IL9R: variants seen among roughly 807,000 people sequenced by gnomAD.
IL9R encodes the protein interleukin 9 receptor, also known as interleukin-9 receptor.
Under a neutral mutation model 56.3 loss-of-function variants are expected in IL9R, and 54 were observed. The ratio of observed to expected loss-of-function variants is 0.96; its 90% CI spans 0.77 to 1.20. The LOEUF is 1.20. IL9R is among the 50% of genes most tolerant of loss of function. The probability of loss-of-function intolerance (pLI) is 0.00; values close to 1 mark genes in which losing one functional copy is unlikely to be tolerated. For synonymous variants in IL9R, 212 were observed against 250.2 expected, an observed-to-expected ratio of 0.85 and a Z score of 1.44; for missense variants, 545 against 629.8, an observed-to-expected ratio of 0.87 and a Z score of 1.44.
At chrX:156,000,145 A>ATATATATAT (rs1556394100) in intron 1 of IL9R, among the ~76,000 whole-genome samples, 15 of 144,272 alleles carry the variant, frequency 1.0e-4, no homozygotes, top group African/African-American at 3.7e-4. Context: ...AAAAAAAAAA[A>ATATATATAT]ATATATATAT....
At chrX:156,001,489 A>C (rs1183430781) in intron 1 of IL9R, 2 of 1,608,906 alleles carry the variant, frequency 1.2e-6, no homozygotes, top group Non-Finnish European at 1.7e-6. Flanking sequence ...TCCAGGCTGC[A>C]CGCTCCATTC....
intron 1 of IL9R, chrX:156,001,314 G>A (rs181578892): frequency 4.6e-6 from 4 of 878,294 alleles, no homozygotes; most frequent in Non-Finnish European, 7.8e-6. Context: ...TGGCCGTTGT[G>A]CCTGTGCTTC....
intron 1 of IL9R, among the ~76,000 whole-genome samples, chrX:156,002,536 C>A (rs1458065343): frequency 6.6e-6 from 1 of 152,218 alleles, no homozygotes; most frequent in Non-Finnish European, 1.5e-5. Context: ...CCTGACTCCC[C>A]TGCAGGATGG....
chrX:156,006,641 A>G (rs1470217617), intron 7 of IL9R, among the ~76,000 whole-genome samples: 1 of 151,874 alleles, frequency 6.6e-6, no homozygotes, highest in African/African-American at 2.4e-5. Flanking sequence ...GCCCTCCTTA[A>G]ATAAACCGTC....
chrX:156,010,066 T>C lies in IL9R; in HGVS notation c.1223T>C (p.Leu408Pro), dbSNP rs772179110. ...TEWRVQTLAY[L>P]PQEDWAPTSL... ...TGGAGGGTACAGACGCTTGCCTATC[T>C]GCCACAGGAGGACTGGGCCCCCACG... Residue 408 changes from leucine (L) to proline (P), a missense_variant, in exon 9 of 9, where the codon CTG becomes CCG. By Grantham distance (98) the Leu-to-Pro change is moderately conservative. Transcript: ENST00000244174. 4.0e-5 allele frequency: 62 copies of C among 1,558,418 alleles called. No homozygotes were observed. The highest frequency in any genetic ancestry group is 5.0e-5 in the Non-Finnish European group (58 of 1,158,198).
chrX:156,001,434 T>C (rs1385304692), intron 1 of IL9R: 2 of 1,610,958 alleles, frequency 1.2e-6, no homozygotes, highest in Non-Finnish European at 1.7e-6. Flanking sequence ...GGACAGACAC[T>C]GCTGCAGAGA....
chrX:156,000,143 A>ATATATATAT (rs1220909165), intron 1 of IL9R, among the ~76,000 whole-genome samples: 19 of 129,832 alleles, frequency 1.5e-4, no homozygotes, highest in African/African-American at 6.2e-4. Context: ...CTAAAAAAAA[A>ATATATATAT]AAATATATAT....
Position 156,003,782 on chromosome X carries a change from C to T in IL9R, c.360C>T (p.Ile120=). ...AVLVPSDNFT[I]TFHHCMSGRE... ...TCGTGCCATCTGACAATTTCACCAT[C>T]ACTTTCCACCACTGCATGTCTGGGA... Residue 120 remains isoleucine (I), a synonymous_variant, in exon 4 of 9, where the codon ATC becomes ATT. Coordinates refer to ENST00000244174, the MANE Select transcript of IL9R (RefSeq NM_002186.3). The T allele has an allele frequency of 6.2e-7, 1 of 1,614,026 alleles. No homozygotes were observed. The highest frequency in any genetic ancestry group is 1.7e-5 in the Admixed American group (1 of 60,022).
At chrX:156,005,573 G>A in intron 6 of IL9R, 94 bp downstream of exon 6, 2 of 1,058,422 alleles carry the variant, frequency 1.9e-6, no homozygotes, top group South Asian at 1.3e-5. Context: ...TCACCCTCCT[G>A]TAAGCCCCTC....
At chrX:156,008,956 TGTGTTTATG>T (rs1298021583) in intron 8 of IL9R, among the ~76,000 whole-genome samples, 8 of 151,812 alleles carry the variant, frequency 5.3e-5, no homozygotes, top group African/African-American at 1.9e-4. Context: ...TCTGTGTGTG[TGTGTTTATG>T]TGTGTGTGTC....
At chrX:156,006,230 G>A (rs754754423) in intron 7 of IL9R, 42 bp downstream of exon 7, 5 of 753,640 alleles carry the variant, frequency 6.6e-6, no homozygotes, top group African/African-American at 3.4e-5. Flanking sequence ...GTGTGAGCGG[G>A]CAAGAGTGTG....
intron 1 of IL9R, among the ~76,000 whole-genome samples, chrX:156,001,719 C>A (rs1266132560): frequency 6.6e-6 from 1 of 152,122 alleles, no homozygotes; most frequent in Non-Finnish European, 1.5e-5. Flanking sequence ...CTGCTTCCTG[C>A]CTAGGGGCTA....
Position 156,010,433 on chromosome X carries a change from A to C in IL9R, c.*24A>C. The C allele has an allele frequency of 2.2e-6, 1 of 452,220 alleles. No individual in the cohort carries two copies. The highest frequency in any genetic ancestry group is 4.1e-5 in the East Asian group (1 of 24,446). The allele number at this position is 452,220 out of a possible 1,614,324, so 28.0% of individuals were successfully genotyped here. A position where few individuals can be genotyped will look rare whatever the true frequency, so the allele number is the denominator to read the frequency against. On this transcript the variant is annotated 3_prime_UTR_variant, in exon 9 of 9. Transcript: ENST00000244174. ...AGGTCCCTGACTCGCCAGATGCATC[A>C]TGTCCATTTTGGGAAAATGGACTGA...
chrX:155,998,736 A>G (rs2067307423), intron 1 of IL9R, among the ~76,000 whole-genome samples: 2 of 151,890 alleles, frequency 1.3e-5, no homozygotes, highest in African/African-American at 2.4e-5. Flanking sequence ...GTTGGAAAAC[A>G]TTTATCAAAC....
chrX:156,001,560 G>A (rs2067525367), intron 1 of IL9R: 8 of 1,264,286 alleles, frequency 6.3e-6, no homozygotes, highest in South Asian at 1.2e-5. Flanking sequence ...ATGGGTACCT[G>A]TATACGCTGC....
chrX:155,999,002 G>T (rs2067326745), intron 1 of IL9R, among the ~76,000 whole-genome samples: 1 of 152,004 alleles, frequency 6.6e-6, no homozygotes, highest in South Asian at 2.1e-4. Context: ...CCTGGCCCAT[G>T]GCCACTGCTC....
intron 1 of IL9R, among the ~76,000 whole-genome samples, chrX:156,001,878 C>T (rs3093488): frequency 0.014 from 2,183 of 152,262 alleles, 52 homozygotes; most frequent in African/African-American, 0.049. Context: ...CTCCAGCATC[C>T]GGGGGCTTTG....
intron 1 of IL9R, among the ~76,000 whole-genome samples, chrX:155,999,406 G>A (rs1390041386): frequency 2.6e-5 from 4 of 152,022 alleles, no homozygotes; most frequent in Non-Finnish European, 4.4e-5. Flanking sequence ...AATGCTTCTT[G>A]GTGCCATCTC....
intron 8 of IL9R, among the ~76,000 whole-genome samples, chrX:156,008,488 C>T (rs186430584): frequency 0.13 from 19,657 of 151,370 alleles, 1,394 homozygotes; most frequent in South Asian, 0.22. Context: ...CAGAGTCTCC[C>T]TCTTTCCCCA....
Sources: allele counts gnomAD v4.1 joint callset (sites outside exome capture counted in the v4.1 genomes callset), GRCh38; gene constraint gnomAD v4.1.1; transcripts MANE v1.5; gene names NCBI Gene and HGNC (gene_info 2026-07-23, HGNC 2026-07-21).